Variants in POT1 observed in about 807,000 individuals in gnomAD.
POT1 encodes the protein protection of telomeres 1.
In POT1, 47 loss-of-function variants were observed where a neutral mutation model predicts 78.5. The observed-to-expected ratio is 0.60, with a 90% CI of 0.47 to 0.76. POT1 has a LOEUF of 0.76. POT1 is among the 30% of genes least tolerant of loss of function. POT1 has a pLI of 0.00. For missense variants in POT1, 646 were observed against 749.9 expected, an observed-to-expected ratio of 0.86 and a Z score of 1.62; for synonymous variants, 259 against 260.7, an observed-to-expected ratio of 0.99 and a Z score of 0.06.
intron 6 of POT1, among the ~76,000 whole-genome samples, chr7:124,881,339 C>T (rs1280966963): frequency 6.6e-6 from 1 of 151,928 alleles, no homozygotes; most frequent in African/African-American, 2.4e-5. Flanking sequence ...GTCATACACG[C>T]AGTCCACTGT....
chr7:124,907,983 T>A (rs939100934), intron 3 of POT1, among the ~76,000 whole-genome samples: 1 of 152,054 alleles, frequency 6.6e-6, no homozygotes, highest in African/African-American at 2.4e-5. Context: ...AATAATAGCA[T>A]AAACTACAAG....
At chr7:124,873,820 G>C (rs776555438) in intron 6 of POT1, among the ~76,000 whole-genome samples, 2 of 152,188 alleles carry the variant, frequency 1.3e-5, no homozygotes, top group Non-Finnish European at 2.9e-5. Context: ...AAGGAAAGGA[G>C]AGTGGAAGAA....
chr7:124,926,925 G>A (rs1385177988), intron 2 of POT1, among the ~76,000 whole-genome samples: 1 of 152,102 alleles, frequency 6.6e-6, no homozygotes, highest in Admixed American at 6.5e-5. Context: ...AAACTTGGAG[G>A]GGTAGGGGAT....
chr7:124,824,099 C>A (rs575804706), intron 18 of POT1, 25 bp from the exon 19 acceptor site: 1 of 1,428,408 alleles, frequency 7.0e-7, no homozygotes, highest in Non-Finnish European at 9.7e-7. Context: ...ACAAAAAAAG[C>A]GATTTAACCA....
At chr7:124,867,677 T>G (rs2116556660) in intron 7 of POT1, among the ~76,000 whole-genome samples, 1 of 152,180 alleles carries the variant, frequency 6.6e-6, no homozygotes, top group Non-Finnish European at 1.5e-5. Context: ...GATGGAGTCG[T>G]GCTCTGTCAC....
intron 6 of POT1, among the ~76,000 whole-genome samples, chr7:124,876,800 G>A (rs1796000801): frequency 6.6e-6 from 1 of 152,132 alleles, no homozygotes; most frequent in Non-Finnish European, 1.5e-5. Context: ...AAATACAGGA[G>A]CAAAAGAAAA....
chr7:124,840,948 C>G, intron 14 of POT1, 25 bp downstream of exon 14: 2 of 1,544,716 alleles, frequency 1.3e-6, no homozygotes, highest in Non-Finnish European at 1.8e-6. Context: ...AGTATTCTAA[C>G]AAAACAGTGA....
At chr7:124,857,558 C>G (rs1357968193) in intron 9 of POT1, among the ~76,000 whole-genome samples, 1 of 152,204 alleles carries the variant, frequency 6.6e-6, no homozygotes, top group Non-Finnish European at 1.5e-5. Context: ...AGCTGGCCAT[C>G]AGACACTATG....
chr7:124,923,342 C>T lies in POT1; in HGVS notation c.-227+5473G>A, dbSNP rs144131377. 1.7e-3 allele frequency among the ~76,000 whole-genome samples: 252 copies of T among 151,402 alleles called. 1 individual carries two copies. Among genetic ancestry groups the T allele is most frequent in the African/African-American group, 5.8e-3 (241 of 41,388 alleles). On this transcript the variant is annotated intron_variant, in intron 2 of 18. Coordinates refer to ENST00000357628, the MANE Select transcript of POT1 (RefSeq NM_015450.3). ...ACATCTTTAAAAAAAGAAAAGAAAA[C>T]GGAAACCATGAATTAAAAAATTGAA...
At chr7:124,920,982 AGC>A (rs1797135514) in intron 2 of POT1, among the ~76,000 whole-genome samples, 2 of 152,118 alleles carry the variant, frequency 1.3e-5, no homozygotes, top group South Asian at 4.1e-4. Context: ...CTATAATCCC[AGC>A]TACTTGGGAG....
At chr7:124,924,156 C>CAAAA (rs35845455) in intron 2 of POT1, among the ~76,000 whole-genome samples, 1 of 123,420 alleles carries the variant, frequency 8.1e-6, no homozygotes, top group African/African-American at 3.0e-5. Context: ...AACAAAAATC[C>CAAAA]AAAAAAAAAA....
intron 14 of POT1, among the ~76,000 whole-genome samples, chr7:124,837,595 A>G: frequency 6.6e-6 from 1 of 152,090 alleles, no homozygotes; most frequent in East Asian, 1.9e-4. Flanking sequence ...ATCTTGAAAA[A>G]AGTCACCAGG....
intron 5 of POT1, among the ~76,000 whole-genome samples, chr7:124,896,365 T>C (rs1796491168): frequency 6.6e-6 from 1 of 151,716 alleles, no homozygotes; most frequent in East Asian, 1.9e-4. Flanking sequence ...TTATAACAAT[T>C]TTGGGAAATA....
At position 124,825,353 on chromosome 7, in the gene POT1, T is replaced by C; in HGVS notation, c.1691A>G (p.Lys564Arg). The C allele has an allele frequency of 6.3e-7, 1 of 1,599,280 alleles. No homozygotes were observed. The highest frequency in any genetic ancestry group is 8.5e-7 in the Non-Finnish European group (1 of 1,172,256). ...TTCTGATGCTGGAATCTGGAAGAAT[T>C]TGTCCTTAAAAATGTTTCATGAGAG... is the stretch of plus-strand genomic sequence containing the variant. ...VLEAYLMDSD[K>R]FFQIPASEVL... The change falls in exon 18 of 19, where the codon AAA (lysine) becomes AGA (arginine). Residue 564 changes from lysine to arginine, a missense_variant. Around this residue, in one of 2 missense-constraint regions of POT1, gnomAD observed 394 missense variants for 408.4 expected, o/e 0.96. Transcript: ENST00000357628.
intron 9 of POT1, among the ~76,000 whole-genome samples, chr7:124,853,815 A>G (rs1795377371): frequency 6.6e-6 from 1 of 152,112 alleles, no homozygotes; most frequent in South Asian, 2.1e-4. Flanking sequence ...GTCTTTAATT[A>G]TAGACCACTG....
chr7:124,911,023 A>G (rs1796877586), intron 3 of POT1, among the ~76,000 whole-genome samples: 1 of 152,088 alleles, frequency 6.6e-6, no homozygotes, highest in Non-Finnish European at 1.5e-5. Flanking sequence ...AAAATTCTTT[A>G]GTGAATGAGA....
intron 10 of POT1, among the ~76,000 whole-genome samples, chr7:124,852,554 T>C (rs1047786172): frequency 1.3e-5 from 2 of 152,178 alleles, no homozygotes; most frequent in Non-Finnish European, 2.9e-5. Context: ...AAGAGAGTGA[T>C]ACACCAAAAC....
At chr7:124,862,283 C>T (rs1795616658) in intron 8 of POT1, among the ~76,000 whole-genome samples, 1 of 152,132 alleles carries the variant, frequency 6.6e-6, no homozygotes, top group South Asian at 2.1e-4. Context: ...TCTAAAAACA[C>T]AGTCAAAAGA....
intron 13 of POT1, among the ~76,000 whole-genome samples, chr7:124,842,414 G>A (rs1051236001): frequency 1.3e-5 from 2 of 151,896 alleles, no homozygotes; most frequent in Non-Finnish European, 2.9e-5. Context: ...CAGGACAGAA[G>A]TTTACCAACA....
Sources: gnomAD v4.1 joint callset for allele counts (sites outside exome capture counted in the v4.1 genomes callset) on GRCh38, gnomAD v4.1.1 for gene constraint, gnomAD v4.1.1 regional missense constraint, MANE v1.5 for transcripts, NCBI Gene and HGNC (gene_info 2026-07-23, HGNC 2026-07-21) for gene names.